The following ZRANB3 variants were observed in gnomAD, a reference collection of about 807,000 sequenced individuals.
The protein encoded by ZRANB3 is zinc finger RANBP2-type containing 3, also known as DNA annealing helicase and endonuclease ZRANB3.
Under a neutral mutation model 133.8 loss-of-function variants are expected in ZRANB3, and 125 were observed. That is an observed-to-expected ratio of 0.93 (90% CI 0.81 to 1.08). The LOEUF is 1.08. ZRANB3 is among the 50% of genes least tolerant of loss of function. The probability of loss-of-function intolerance (pLI) is 0.00; values close to 1 mark genes in which losing one functional copy is unlikely to be tolerated. For synonymous variants in ZRANB3, 387 were observed against 432.7 expected (o/e 0.89, Z 1.31); for missense variants, 1,229 against 1,275.5 (o/e 0.96, Z 0.56).
chr2:135,282,309 A>G (rs1467530646), intron 8 of ZRANB3, among the ~76,000 whole-genome samples: 1 of 151,716 alleles, frequency 6.6e-6, no homozygotes, highest in Non-Finnish European at 1.5e-5. Context: ...AAGGCTAGAC[A>G]TTGTCTTCCG....
intron 2 of ZRANB3, among the ~76,000 whole-genome samples, chr2:135,400,971 T>C (rs947394572): frequency 1.7e-4 from 26 of 152,328 alleles, no homozygotes; most frequent in Admixed American, 5.9e-4. Context: ...TTACCATAAG[T>C]ATATTCTGGG....
At chr2:135,204,096 C>T (rs757963421) in intron 19 of ZRANB3, among the ~76,000 whole-genome samples, 2 of 152,182 alleles carry the variant, frequency 1.3e-5, no homozygotes, top group Non-Finnish European at 2.9e-5. Flanking sequence ...GCAAGCCTGT[C>T]AGGCACAATG....
At position 135,383,004 on chromosome 2, in the gene ZRANB3, T is replaced by C. The variant is rs546616508; in HGVS notation, c.180+7798A>G. Among the ~76,000 whole-genome samples the C allele has an allele frequency of 4.6e-5, 7 of 152,248 alleles. No individual in the cohort carries two copies. The South Asian group carries it at 1.5e-3, about 32-fold the overall frequency. ...CACACATAACAATATTAACTTTAAATGTAAATGGGCTAAATGCTCCAATTA... is the reference window on the plus strand; with the variant it reads ...CACACATAACAATATTAACTTTAAACGTAAATGGGCTAAATGCTCCAATTA... On this transcript the variant is annotated intron_variant, in intron 3 of 20. Transcript: ENST00000264159.
intron 12 of ZRANB3, among the ~76,000 whole-genome samples, chr2:135,231,277 G>T (rs1278279576): frequency 2.0e-5 from 3 of 151,982 alleles, no homozygotes; most frequent in Admixed American, 6.6e-5. Context: ...AGATAACTTG[G>T]TTAGAGCAGT....
chr2:135,465,059 G>A (rs145346964), intron 2 of ZRANB3, among the ~76,000 whole-genome samples: 9 of 152,290 alleles, frequency 5.9e-5, no homozygotes, highest in East Asian at 5.8e-4. Context: ...GAACAAAATC[G>A]AAGAAGTTGA....
chr2:135,354,535 T>C (rs1685343885), intron 3 of ZRANB3, among the ~76,000 whole-genome samples: 1 of 152,238 alleles, frequency 6.6e-6, no homozygotes, highest in Non-Finnish European at 1.5e-5. Context: ...TCAAATGTAC[T>C]TCACCTGTGC....
intron 1 of ZRANB3, among the ~76,000 whole-genome samples, chr2:135,506,821 C>T (rs1693211481): frequency 6.6e-6 from 1 of 152,126 alleles, no homozygotes; most frequent in South Asian, 2.1e-4. Context: ...GATAAATGTT[C>T]TTATAGGATT....
intron 8 of ZRANB3, among the ~76,000 whole-genome samples, chr2:135,298,541 C>T (rs1249125250): frequency 6.6e-6 from 1 of 152,146 alleles, no homozygotes; most frequent in Admixed American, 6.5e-5. Context: ...CCCCCTTCCC[C>T]TAAAGATGGG....
intron 2 of ZRANB3, among the ~76,000 whole-genome samples, chr2:135,398,059 C>A (rs1463164585): frequency 6.6e-6 from 1 of 151,856 alleles, no homozygotes; most frequent in South Asian, 2.1e-4. Context: ...TTTTGTTTTT[C>A]TTATTATTTA....
At chr2:135,285,848 GAAT>G (rs1220703056) in intron 8 of ZRANB3, among the ~76,000 whole-genome samples, 2 of 152,096 alleles carry the variant, frequency 1.3e-5, no homozygotes, top group Non-Finnish European at 2.9e-5. Flanking sequence ...TTTTCTAGGA[GAAT>G]ATTATGCTGA....
At chr2:135,375,939 C>T (rs1686411538) in intron 3 of ZRANB3, among the ~76,000 whole-genome samples, 1 of 151,964 alleles carries the variant, frequency 6.6e-6, no homozygotes, top group Admixed American at 6.6e-5. Context: ...AAGTTCTAAC[C>T]TCTAGTATTT....
intron 2 of ZRANB3, among the ~76,000 whole-genome samples, chr2:135,490,537 A>G (rs1039900863): frequency 6.6e-6 from 1 of 152,212 alleles, no homozygotes; most frequent in Non-Finnish European, 1.5e-5. Flanking sequence ...ATCCTTGCAC[A>G]CTGTTGGTAG....
intron 2 of ZRANB3, among the ~76,000 whole-genome samples, chr2:135,424,907 G>T (rs1689005471): frequency 6.6e-6 from 1 of 152,036 alleles, no homozygotes; most frequent in Admixed American, 6.6e-5. Flanking sequence ...TCCAGAAAAA[G>T]GTTTCACACA....
chr2:135,329,035 T>G (rs1217074218), intron 6 of ZRANB3, among the ~76,000 whole-genome samples: 3 of 152,250 alleles, frequency 2.0e-5, no homozygotes, highest in Non-Finnish European at 4.4e-5. Flanking sequence ...TGATAGTTTC[T>G]TTTGCAGTGC....
chr2:135,292,738 T>C (rs1405346147), intron 8 of ZRANB3, among the ~76,000 whole-genome samples: 1 of 152,234 alleles, frequency 6.6e-6, no homozygotes. Context: ...GTCTAACATT[T>C]AAGTCTTTAA....
chr2:135,324,188 A>G (rs1214413800), intron 6 of ZRANB3, among the ~76,000 whole-genome samples: 1 of 151,540 alleles, frequency 6.6e-6, no homozygotes, highest in Non-Finnish European at 1.5e-5. Context: ...CCATTAACTC[A>G]TCATTTAACA....
chr2:135,259,992 C>T (rs902549277), intron 12 of ZRANB3, among the ~76,000 whole-genome samples: 1 of 152,090 alleles, frequency 6.6e-6, no homozygotes, highest in Admixed American at 6.6e-5. Flanking sequence ...CCCAATTTCC[C>T]ACAGCTAGAG....
In ZRANB3 at chr2:135,402,971, G is replaced by A. The variant is rs530254651; in HGVS notation, c.162-12151C>T. Among the ~76,000 whole-genome samples the A allele has an allele frequency of 3.3e-5, 5 of 152,198 alleles. No individual in the cohort carries two copies. In the South Asian group the frequency reaches 1.0e-3, roughly 32 times the overall value. Reference sequence around the variant, plus strand: ...ACTGCTATAAACAAATGCCTGAGGGGGTGCAGCCAAGATGGCCAAATAGGA... The same window carrying A: ...ACTGCTATAAACAAATGCCTGAGGGAGTGCAGCCAAGATGGCCAAATAGGA... On this transcript the variant is annotated intron_variant, in intron 2 of 20. Transcript: ENST00000264159.
intron 2 of ZRANB3, among the ~76,000 whole-genome samples, chr2:135,448,697 T>C (rs16831684): frequency 0.04 from 6,064 of 152,240 alleles, 135 homozygotes; most frequent in African/African-American, 0.048. Flanking sequence ...AAGGCTCAAA[T>C]GGAAGCCAGA....
Sources: gnomAD v4.1 joint callset for allele counts (sites outside exome capture counted in the v4.1 genomes callset) on GRCh38, gnomAD v4.1.1 for gene constraint, MANE v1.5 for transcripts, NCBI Gene and HGNC (gene_info 2026-07-23, HGNC 2026-07-21) for gene names.